The following USP34 variants were observed in gnomAD, a reference collection of about 807,000 sequenced individuals.
USP34 encodes ubiquitin specific peptidase 34.
USP34 carries 70 observed loss-of-function variants against 460.3 expected under a neutral mutation model. The ratio of observed to expected loss-of-function variants is 0.15; its 90% CI spans 0.13 to 0.19. The LOEUF is 0.19. Among genes scored for constraint, USP34 ranks in the 10% least tolerant of loss-of-function variants. USP34 has a pLI of 1.00. For missense variants in USP34, 3,985 were observed against 4,236.2 expected (o/e 0.94, Z 1.65); for synonymous variants, 1,647 against 1,405.3 (o/e 1.17, Z -3.85).
intron 69 of USP34, among the ~76,000 whole-genome samples, chr2:61,209,994 T>C (rs1572837741): frequency 1.3e-5 from 2 of 152,208 alleles, no homozygotes; most frequent in Non-Finnish European, 2.9e-5. Context: ...ATACTTTTGT[T>C]CAGCTATAAA....
At chr2:61,243,944 C>A (rs1225339411) in intron 51 of USP34, among the ~76,000 whole-genome samples, 1 of 151,360 alleles carries the variant, frequency 6.6e-6, no homozygotes, top group African/African-American at 2.4e-5. Flanking sequence ...AGCAGTAACT[C>A]AATATTTACT....
At chr2:61,296,234 TGGGTAACA>T (rs1018964763) in intron 30 of USP34, among the ~76,000 whole-genome samples, 3 of 151,678 alleles carry the variant, frequency 2.0e-5, no homozygotes, top group Admixed American at 6.6e-5. Flanking sequence ...TACTCCAGCC[TGGGTAACA>T]GAGTTATACC....
chr2:61,347,505 C>T (rs1181142478), intron 15 of USP34, among the ~76,000 whole-genome samples: 1 of 152,134 alleles, frequency 6.6e-6, no homozygotes, highest in Non-Finnish European at 1.5e-5. Flanking sequence ...TCCCAAGTAG[C>T]TGGGATTACA....
At chr2:61,406,430 T>G (rs1693872087) in intron 2 of USP34, among the ~76,000 whole-genome samples, 1 of 152,202 alleles carries the variant, frequency 6.6e-6, no homozygotes, top group Non-Finnish European at 1.5e-5. Context: ...GTTTCTCCAG[T>G]GTCAAGTACT....
Position 61,370,433 on chromosome 2 carries a change from T to C in USP34, c.1159-20A>G, listed in dbSNP as rs751862740. 1.9e-6 allele frequency: 3 copies of C among 1,613,082 alleles called. No homozygotes were observed. Among genetic ancestry groups the C allele is most frequent in the Non-Finnish European group, 2.5e-6 (3 of 1,179,578 alleles). Reference sequence around the variant, plus strand: ...GATAATCTGGAAAAGAAAAACTTAATATCAATTTTTAAAAATATTCTTCTC... The same window carrying C: ...GATAATCTGGAAAAGAAAAACTTAACATCAATTTTTAAAAATATTCTTCTC... On this transcript the variant is annotated intron_variant, in intron 9 of 79. Transcript: ENST00000398571.
intron 53 of USP34, among the ~76,000 whole-genome samples, chr2:61,239,714 G>T (rs1005340226): frequency 1.3e-5 from 2 of 152,090 alleles, no homozygotes; most frequent in Admixed American, 1.3e-4. Context: ...CACATGTGCA[G>T]GCAAGATACT....
rs757317357 is a variant in USP34, at chr2:61,189,040, T to C, written c.9903A>G (p.Ser3301=). The C allele has an allele frequency of 3.1e-6, 5 of 1,614,002 alleles. No individual in the cohort carries two copies. The highest frequency in any genetic ancestry group is 1.3e-5 in the African/African-American group (1 of 74,926). The stretch of plus-strand genomic sequence containing the variant: ...GGTTTAACTGTTTGGGAGTGTGTAC[T>C]GACAGGAGCAAAGCGAGTGCCCTCA... ...GDLRALALLL[S]VHTPKQLNPA... Residue 3301 remains serine (S), a synonymous_variant, in exon 79 of 80, where the codon TCA becomes TCG. Coordinates refer to ENST00000398571, the MANE Select transcript of USP34 (RefSeq NM_014709.4).
At chr2:61,335,797 G>A (rs1691398422) in intron 18 of USP34, among the ~76,000 whole-genome samples, 1 of 152,106 alleles carries the variant, frequency 6.6e-6, no homozygotes, top group South Asian at 2.1e-4. Flanking sequence ...ACTAATTTTA[G>A]ACTCAAGAAT....
chr2:61,332,758 A>G (rs1163856934), intron 19 of USP34, among the ~76,000 whole-genome samples: 1 of 151,994 alleles, frequency 6.6e-6, no homozygotes. Flanking sequence ...CCTTCCTTGC[A>G]AAAACAGAAC....
chr2:61,409,559 C>A (rs938348524), intron 2 of USP34, among the ~76,000 whole-genome samples: 3 of 151,984 alleles, frequency 2.0e-5, no homozygotes, highest in Non-Finnish European at 2.9e-5. Context: ...ACTAAAAATA[C>A]AAAAATTAGC....
At chr2:61,280,819 A>G (rs937287316) in intron 38 of USP34, among the ~76,000 whole-genome samples, 1 of 152,204 alleles carries the variant, frequency 6.6e-6, no homozygotes, top group Admixed American at 6.5e-5. Context: ...TTATTAACAC[A>G]AGGCCCAGAA....
rs1263704044 is a variant in USP34 at position 61,430,650 on chromosome 2, A to T, written c.44-9817T>A. On this transcript the variant is annotated intron_variant, in intron 1 of 79. Coordinates refer to ENST00000398571, the MANE Select transcript of USP34 (RefSeq NM_014709.4). ...ATATAACAATTTAGTTAATTTTTAA[A>T]ATCAGCAATTCTAATAGGTCTCATG... Among the ~76,000 whole-genome samples the T allele has an allele frequency of 2.0e-5, 3 of 152,214 alleles. No homozygotes were observed. In the East Asian group the frequency reaches 5.8e-4, roughly 29 times the overall value.
chr2:61,333,525 C>G (rs1691332156), intron 19 of USP34, among the ~76,000 whole-genome samples: 1 of 151,996 alleles, frequency 6.6e-6, no homozygotes, highest in Admixed American at 6.5e-5. Context: ...GACATTAGGT[C>G]TACAGCCAAT....
At chr2:61,258,958 C>A (rs1253279061) in intron 44 of USP34, among the ~76,000 whole-genome samples, 1 of 152,022 alleles carries the variant, frequency 6.6e-6, no homozygotes, top group Non-Finnish European at 1.5e-5. Flanking sequence ...TGACAAATAA[C>A]AGAGATAACT....
At chr2:61,193,161 C>T in intron 75 of USP34, 181 bp from the exon 76 acceptor site, 1 of 542,498 alleles carries the variant, frequency 1.8e-6, no homozygotes, top group Non-Finnish European at 3.3e-6. Context: ...GAATGTGGTA[C>T]TTTGAATTTA....
At chr2:61,331,573 T>C (rs1572941526) in intron 19 of USP34, among the ~76,000 whole-genome samples, 1 of 152,058 alleles carries the variant, frequency 6.6e-6, no homozygotes, top group African/African-American at 2.4e-5. Context: ...TAAAGTACCT[T>C]TGTAAGTTTT....
chr2:61,347,722 G>C lies in USP34; in HGVS notation c.2285+148C>G, dbSNP rs1691815301. 4.9e-6 allele frequency: 7 copies of C among 1,415,682 alleles called. No individual in the cohort carries two copies. In the South Asian group the frequency reaches 1.1e-4, roughly 21 times the overall value. The allele number at this position is 1,415,682 out of a possible 1,614,324, so 87.7% of individuals were successfully genotyped here. ...TTTAAATGTGCCCAATAGAAAACTT[G>C]AAATTATCTATTTGTAGCTTACATT... On this transcript the variant is annotated intron_variant, in intron 15 of 79. Coordinates refer to ENST00000398571, the MANE Select transcript of USP34 (RefSeq NM_014709.4).
chr2:61,315,210 T>C (rs1485740475), intron 23 of USP34, among the ~76,000 whole-genome samples: 11 of 152,300 alleles, frequency 7.2e-5, no homozygotes, highest in East Asian at 3.9e-4. Flanking sequence ...TGTGACTACA[T>C]AGTACGAAAA....
chr2:61,314,746 T>C lies in USP34; in HGVS notation c.3383-2A>G. On this transcript the variant is annotated splice_acceptor_variant, in intron 24 of 79. Coordinates refer to ENST00000398571, the MANE Select transcript of USP34 (RefSeq NM_014709.4). LOFTEE classifies it high-confidence loss of function. ...GCTCCTTCTCCAAACCTGTTTTACC[T>C]GAAAGCCAAATGTTTAGACACATAT... is the stretch of plus-strand genomic sequence containing the variant. The C allele has an allele frequency of 1.3e-6, 2 of 1,575,998 alleles. No homozygotes were observed. Among genetic ancestry groups the C allele is most frequent in the Non-Finnish European group, 1.7e-6 (2 of 1,165,846 alleles).
Sources: gnomAD v4.1 joint callset for allele counts (sites outside exome capture counted in the v4.1 genomes callset) on GRCh38, gnomAD v4.1.1 for gene constraint, MANE v1.5 for transcripts, NCBI Gene and HGNC (gene_info 2026-07-23, HGNC 2026-07-21) for gene names.